Variants in SLC5A11 observed in about 807,000 individuals in gnomAD.
The protein encoded by SLC5A11 is solute carrier family 5 member 11, also known as sodium/myo-inositol cotransporter 2.
In SLC5A11, 48 loss-of-function variants were observed where a neutral mutation model predicts 69.8. The ratio of observed to expected loss-of-function variants is 0.69; its 90% CI spans 0.55 to 0.87. The LOEUF (loss-of-function observed/expected upper bound fraction) is 0.87. SLC5A11 is among the 40% of genes least tolerant of loss of function. The pLI is 0.00. For missense variants in SLC5A11, 784 were observed against 866.1 expected (o/e 0.91, Z 1.19); for synonymous variants, 319 against 342.4 (o/e 0.93, Z 0.75).
chr16:24,865,314 A>C (rs568803622), intron 3 of SLC5A11, among the ~76,000 whole-genome samples: 4 of 152,366 alleles, frequency 2.6e-5, no homozygotes, highest in African/African-American at 9.6e-5. Context: ...TAATCCCAGC[A>C]CTTTGGGAGG....
intron 1 of SLC5A11, among the ~76,000 whole-genome samples, chr16:24,849,590 AAAAATATATATATATAT>A (rs1405603676): frequency 3.4e-5 from 3 of 88,826 alleles, no homozygotes; most frequent in East Asian, 5.4e-4. Flanking sequence ...AAAAAAAAAA[AAAAATATATATATATAT>A]ATATATATAT....
At chr16:24,870,434 CA>C (rs1297137037) in intron 4 of SLC5A11, among the ~76,000 whole-genome samples, 193 of 137,302 alleles carry the variant, frequency 1.4e-3, no homozygotes, top group Middle Eastern at 7.4e-3. Flanking sequence ...ACAAAAAAAA[CA>C]AAAAAAAACA....
intron 1 of SLC5A11, among the ~76,000 whole-genome samples, chr16:24,853,914 C>T (rs1219304747): frequency 2.6e-5 from 4 of 152,164 alleles, no homozygotes; most frequent in Non-Finnish European, 4.4e-5. Flanking sequence ...ATCCTGTGGC[C>T]GAGGCTCCAC....
intron 15 of SLC5A11, among the ~76,000 whole-genome samples, chr16:24,910,944 G>A (rs2050472218): frequency 6.6e-6 from 1 of 151,722 alleles, no homozygotes; most frequent in African/African-American, 2.4e-5. Flanking sequence ...CGAGGTGGGT[G>A]CATCACTTGA....
At chr16:24,903,825 G>T (rs909570227) in intron 10 of SLC5A11, among the ~76,000 whole-genome samples, 5 of 152,162 alleles carry the variant, frequency 3.3e-5, no homozygotes, top group Non-Finnish European at 7.3e-5. Context: ...AATAAATGGG[G>T]TGCAGGTATC....
chr16:24,869,947 T>C (rs1370202344), exon 4 of SLC5A11: 5 of 1,614,160 alleles, frequency 3.1e-6, no homozygotes, highest in Admixed American at 3.3e-5. Context: ...GGACATTTCA[T>C]TGGCCTGGCA....
intron 5 of SLC5A11, among the ~76,000 whole-genome samples, chr16:24,872,754 T>C (rs1038017362): frequency 6.6e-6 from 1 of 150,432 alleles, no homozygotes; most frequent in African/African-American, 2.4e-5. Flanking sequence ...ACTCCTGGGC[T>C]CAAGTGATCT....
At chr16:24,858,865 TAAG>T in intron 2 of SLC5A11, 87 bp downstream of exon 3, 1 of 1,461,638 alleles carries the variant, frequency 6.8e-7, no homozygotes, top group Non-Finnish European at 9.1e-7. Flanking sequence ...CTTTTGGAGC[TAAG>T]ATACTGACTG....
At chr16:24,906,954 A>T in intron 11 of SLC5A11, 71 bp from the exon 13 acceptor site, 1 of 1,573,752 alleles carries the variant, frequency 6.4e-7, no homozygotes, top group Non-Finnish European at 8.6e-7. Context: ...TGCCTCCTCC[A>T]GTTGAGCCCA....
intron 1 of SLC5A11, among the ~76,000 whole-genome samples, chr16:24,849,589 A>ATACATATATAT (rs60706405): frequency 1.9e-4 from 12 of 63,776 alleles, no homozygotes; most frequent in Admixed American, 8.3e-4. Flanking sequence ...AAAAAAAAAA[A>ATACATATATAT]AAAAATATAT....
intron 5 of SLC5A11, 71 bp downstream of exon 6, chr16:24,872,290 C>G: frequency 6.5e-7 from 1 of 1,539,860 alleles, no homozygotes; most frequent in Non-Finnish European, 9.0e-7. Context: ...GCAGTCCCTC[C>G]CTCATCCCGC....
At chr16:24,868,899 T>G (rs1369320415) in intron 3 of SLC5A11, among the ~76,000 whole-genome samples, 1 of 146,844 alleles carries the variant, frequency 6.8e-6, no homozygotes, top group Non-Finnish European at 1.5e-5. Context: ...TGAGACGGAG[T>G]CTCTGTCGTC....
intron 4 of SLC5A11, 28 bp downstream of exon 5, chr16:24,870,033 A>G: frequency 6.8e-7 from 1 of 1,465,818 alleles, no homozygotes; most frequent in Non-Finnish European, 9.6e-7. Flanking sequence ...GGCATAGATG[A>G]CATCTTACCT....
chr16:24,898,542 G>A (rs953314216), intron 10 of SLC5A11, among the ~76,000 whole-genome samples: 11 of 144,332 alleles, frequency 7.6e-5, no homozygotes, highest in Non-Finnish European at 1.1e-4. Context: ...TTTTTGAGAC[G>A]GAGTCTTGCA....
At chr16:24,855,258 G>T (rs952881664) in intron 1 of SLC5A11, among the ~76,000 whole-genome samples, 5 of 152,054 alleles carry the variant, frequency 3.3e-5, no homozygotes, top group African/African-American at 1.2e-4. Flanking sequence ...ATTTGAGAGG[G>T]TTAGGGTTAT....
At chr16:24,853,314 C>A (rs1202447632) in intron 1 of SLC5A11, among the ~76,000 whole-genome samples, 1 of 144,002 alleles carries the variant, frequency 6.9e-6, no homozygotes, top group Non-Finnish European at 1.5e-5. Flanking sequence ...TTCACTGAGT[C>A]CCCAGGGCCT....
At chr16:24,911,064 G>A (rs764419516) in intron 15 of SLC5A11, among the ~76,000 whole-genome samples, 44 of 151,772 alleles carry the variant, frequency 2.9e-4, no homozygotes, top group Non-Finnish European at 4.1e-4. Context: ...AGCTACTTGG[G>A]AGGCTGAGGC....
chr16:24,906,077 G>A (rs966766994), intron 10 of SLC5A11, among the ~76,000 whole-genome samples: 5 of 152,144 alleles, frequency 3.3e-5, no homozygotes, highest in African/African-American at 9.7e-5. Flanking sequence ...CAGGACAGGT[G>A]AGCAGATGTT....
chr16:24,894,713 A>G (rs1283379461), intron 9 of SLC5A11, among the ~76,000 whole-genome samples: 1 of 152,122 alleles, frequency 6.6e-6, no homozygotes, highest in African/African-American at 2.4e-5. Context: ...AGGCAAGAGA[A>G]TAGCTGAACC....
Sources: gnomAD v4.1 joint callset for allele counts (sites outside exome capture counted in the v4.1 genomes callset) on GRCh38, gnomAD v4.1.1 for gene constraint, MANE v1.5 for transcripts, NCBI Gene and HGNC (gene_info 2026-07-23, HGNC 2026-07-21) for gene names.